Variants in PRKCE observed in about 807,000 individuals in gnomAD.
PRKCE encodes the protein protein kinase C epsilon type.
In PRKCE, 16 loss-of-function variants were observed where a neutral mutation model predicts 85.4. The observed-to-expected ratio is 0.19, with a 90% CI of 0.13 to 0.28. The LOEUF (loss-of-function observed/expected upper bound fraction) is 0.28, where lower values mean the gene tolerates loss of function less well. PRKCE is among the 10% of genes least tolerant of loss of function. The probability of loss-of-function intolerance (pLI) is 1.00; values close to 1 mark genes in which losing one functional copy is unlikely to be tolerated. For missense variants in PRKCE, 573 were observed against 975.2 expected (o/e 0.59, Z 5.49); for synonymous variants, 388 against 371.5 (o/e 1.04, Z -0.51).
chr2:45,977,505 T>A (rs1357351211), intron 3 of PRKCE, among the ~76,000 whole-genome samples: 1 of 151,852 alleles, frequency 6.6e-6, no homozygotes, highest in Non-Finnish European at 1.5e-5. Context: ...GCCATGGTGG[T>A]GTGCGCCTGT....
chr2:46,158,045 T>G (rs1222931077), intron 13 of PRKCE, among the ~76,000 whole-genome samples: 1 of 152,218 alleles, frequency 6.6e-6, no homozygotes, highest in Non-Finnish European at 1.5e-5. Context: ...CTTTAGCCCC[T>G]CACTCCATCA....
chr2:45,837,023 A>G (rs922525598), intron 1 of PRKCE, among the ~76,000 whole-genome samples: 2 of 152,190 alleles, frequency 1.3e-5, no homozygotes, highest in African/African-American at 4.8e-5. Context: ...ATGGTTAGGA[A>G]GCTTGACTTT....
At chr2:45,969,312 C>A (rs1194979984) in intron 2 of PRKCE, among the ~76,000 whole-genome samples, 1 of 152,122 alleles carries the variant, frequency 6.6e-6, no homozygotes. Flanking sequence ...ACCCCTTCTG[C>A]AGTGAGGCAG....
intron 2 of PRKCE, among the ~76,000 whole-genome samples, chr2:45,974,394 T>G (rs937838165): frequency 1.3e-5 from 2 of 152,140 alleles, no homozygotes; most frequent in African/African-American, 4.8e-5. Flanking sequence ...TGCCAGAGAC[T>G]TTTTGAAACA....
At chr2:45,699,567 T>G (rs1678444763) in intron 1 of PRKCE, among the ~76,000 whole-genome samples, 1 of 152,184 alleles carries the variant, frequency 6.6e-6, no homozygotes, top group East Asian at 1.9e-4. Context: ...CCAGCCCCCA[T>G]GCTGTGTGGG....
At chr2:45,762,585 G>C (rs912433613) in intron 1 of PRKCE, among the ~76,000 whole-genome samples, 1 of 152,206 alleles carries the variant, frequency 6.6e-6, no homozygotes, top group Non-Finnish European at 1.5e-5. Context: ...GGAAGAGCTT[G>C]CCTGGGAAGG....
chr2:45,698,146 G>C (rs1369624651), intron 1 of PRKCE: 1 of 152,614 alleles, frequency 6.6e-6, no homozygotes, highest in East Asian at 1.9e-4. Context: ...CCGCAGGTTA[G>C]GTGGCACACG....
chr2:45,875,725 G>C (rs936328633), intron 2 of PRKCE, among the ~76,000 whole-genome samples: 1 of 152,184 alleles, frequency 6.6e-6, no homozygotes, highest in Non-Finnish European at 1.5e-5. Context: ...CCCATCCCTG[G>C]AAGTGTTCAC....
At chr2:46,057,653 C>G (rs912231414) in intron 10 of PRKCE, among the ~76,000 whole-genome samples, 2 of 152,064 alleles carry the variant, frequency 1.3e-5, no homozygotes. Context: ...AGGCTGGTCT[C>G]GAACTCCTGA....
At chr2:46,070,600 G>A (rs1339024954) in intron 10 of PRKCE, among the ~76,000 whole-genome samples, 1 of 151,816 alleles carries the variant, frequency 6.6e-6, no homozygotes, top group South Asian at 2.1e-4. Flanking sequence ...CTGAGATCAT[G>A]CCACTGCACT....
At chr2:45,976,318 A>T in intron 2 of PRKCE, 111 bp from the exon 3 acceptor site, 1 of 1,301,252 alleles carries the variant, frequency 7.7e-7, no homozygotes, top group Non-Finnish European at 1.1e-6. Flanking sequence ...GCTACCTCTC[A>T]CCCACCCCAG....
At chr2:45,871,417 G>C (rs1433617939) in intron 2 of PRKCE, among the ~76,000 whole-genome samples, 1 of 152,256 alleles carries the variant, frequency 6.6e-6, no homozygotes, top group East Asian at 1.9e-4. Flanking sequence ...CCTGTGGTTA[G>C]ATAATCTGGG....
chr2:45,989,983 C>A (rs958985887), intron 6 of PRKCE, among the ~76,000 whole-genome samples: 1 of 152,166 alleles, frequency 6.6e-6, no homozygotes, highest in Non-Finnish European at 1.5e-5. Context: ...TTTTTGTGTG[C>A]CTTTGCTGCA....
At chr2:45,809,423 G>T (rs1688491273) in intron 1 of PRKCE, among the ~76,000 whole-genome samples, 1 of 152,084 alleles carries the variant, frequency 6.6e-6, no homozygotes, top group Admixed American at 6.5e-5. Context: ...TGTCTGCCAA[G>T]AACAGTAAAA....
In PRKCE at chr2:45,905,547, C is replaced by A. The variant is rs1302347657; in HGVS notation, c.412+62484C>A. Among the ~76,000 whole-genome samples the A allele has an allele frequency of 1.3e-5, 2 of 152,156 alleles. No homozygotes were observed. The highest frequency in any genetic ancestry group is 6.5e-5 in the Admixed American group (1 of 15,280). On this transcript the variant is annotated intron_variant, in intron 2 of 14. Transcript: ENST00000306156. The surrounding 1 kb of genome is among the most constrained non-coding windows in gnomAD (Gnocchi z 4.4). ...AAACACAGCTTAAGCACATTGGAGC[C>A]CTGTGAGCTTTCCTAAAAGCTGGGC...
intron 1 of PRKCE, among the ~76,000 whole-genome samples, chr2:45,820,140 C>T (rs115801109): frequency 6.6e-6 from 1 of 152,168 alleles, no homozygotes; most frequent in Non-Finnish European, 1.5e-5. Flanking sequence ...GTAATGGAAA[C>T]ATCACGGCGC....
At chr2:45,925,234 T>C (rs1299646069) in intron 2 of PRKCE, among the ~76,000 whole-genome samples, 1 of 152,184 alleles carries the variant, frequency 6.6e-6, no homozygotes, top group African/African-American at 2.4e-5. Context: ...CTAAAGGCCC[T>C]GTGGACAAGC....
At chr2:45,966,466 C>G (rs909286428) in intron 2 of PRKCE, among the ~76,000 whole-genome samples, 1 of 152,166 alleles carries the variant, frequency 6.6e-6, no homozygotes. Flanking sequence ...TAAATGCTAG[C>G]TGACATCTTT....
intron 1 of PRKCE, among the ~76,000 whole-genome samples, chr2:45,732,469 T>G (rs1018666827): frequency 6.6e-6 from 1 of 152,196 alleles, no homozygotes; most frequent in Admixed American, 6.5e-5. Context: ...CTGTATTAAA[T>G]AGGTTTATTC....
Sources: gnomAD v4.1 joint callset for allele counts (sites outside exome capture counted in the v4.1 genomes callset) on GRCh38, gnomAD v4.1.1 for gene constraint, Gnocchi (gnomAD v3.1) non-coding constraint, MANE v1.5 for transcripts, NCBI Gene and HGNC (gene_info 2026-07-23, HGNC 2026-07-21) for gene names.